DEUP1: variants seen among roughly 807,000 people sequenced by gnomAD.
The protein encoded by DEUP1 is coiled-coil domain containing 67.
DEUP1 carries 82 observed loss-of-function variants against 87.4 expected under a neutral mutation model. The observed-to-expected ratio is 0.94, with a 90% CI of 0.78 to 1.13. The LOEUF is 1.13. Ranked by LOEUF, DEUP1 falls within the 50% of genes most tolerant of loss-of-function variation. The probability of loss-of-function intolerance (pLI) is 0.00; values close to 1 mark genes in which losing one functional copy is unlikely to be tolerated. For missense variants in DEUP1, 663 were observed against 681.5 expected (o/e 0.97, Z 0.30); for synonymous variants, 214 against 222.7 (o/e 0.96, Z 0.35).
At chr11:93,375,880 GT>G (rs1464687531) in intron 7 of DEUP1, among the ~76,000 whole-genome samples, 1 of 152,096 alleles carries the variant, frequency 6.6e-6, no homozygotes, top group Non-Finnish European at 1.5e-5. Context: ...TTCTTTGAAT[GT>G]TTGATAGAAT....
At chr11:93,398,864 G>A (rs1370856536) in intron 11 of DEUP1, among the ~76,000 whole-genome samples, 1 of 151,934 alleles carries the variant, frequency 6.6e-6, no homozygotes, top group East Asian at 1.9e-4. Flanking sequence ...GGGATTACAG[G>A]CACATGCCAC....
At chr11:93,338,869 A>G (rs986857069) in intron 2 of DEUP1, among the ~76,000 whole-genome samples, 1 of 152,214 alleles carries the variant, frequency 6.6e-6, no homozygotes, top group African/African-American at 2.4e-5. Flanking sequence ...GTTGTATAAA[A>G]GCAGGGTGTG....
At chr11:93,378,593 T>G (rs1346842925) in intron 7 of DEUP1, among the ~76,000 whole-genome samples, 1 of 152,178 alleles carries the variant, frequency 6.6e-6, no homozygotes, top group African/African-American at 2.4e-5. Flanking sequence ...GATTTCTCCT[T>G]GTTTTTGATC....
chr11:93,415,185 A>C (rs1220388562), intron 13 of DEUP1, 71 bp downstream of exon 13: 1 of 897,808 alleles, frequency 1.1e-6, no homozygotes, highest in South Asian at 1.5e-5. Context: ...GATGTCAATA[A>C]ACTGACGTAC....
chr11:93,392,911 C>T (rs1341921945), intron 9 of DEUP1, among the ~76,000 whole-genome samples: 1 of 149,422 alleles, frequency 6.7e-6, no homozygotes, highest in Non-Finnish European at 1.5e-5. Context: ...GCCTGGGATC[C>T]CTCCTCCTTC....
chr11:93,389,189 T>TA (rs75547341), intron 9 of DEUP1, 64 bp downstream of exon 9: 197 of 858,286 alleles, frequency 2.3e-4, no homozygotes, highest in African/African-American at 1.4e-3. Flanking sequence ...CAAAGGGAGT[T>TA]AAAAAAAAAT....
intron 2 of DEUP1, among the ~76,000 whole-genome samples, chr11:93,348,266 T>G (rs1237669864): frequency 1.3e-5 from 2 of 152,154 alleles, no homozygotes; most frequent in Non-Finnish European, 2.9e-5. Flanking sequence ...GTTTTTTTAT[T>G]CATTTTTTTC....
chr11:93,339,027 T>C (rs1943919547), intron 2 of DEUP1, among the ~76,000 whole-genome samples: 1 of 152,202 alleles, frequency 6.6e-6, no homozygotes, highest in East Asian at 1.9e-4. Context: ...TCATGGACTC[T>C]CCAAGGGTAA....
At chr11:93,362,855 T>C (rs1306137409) in intron 4 of DEUP1, among the ~76,000 whole-genome samples, 1 of 151,910 alleles carries the variant, frequency 6.6e-6, no homozygotes, top group East Asian at 1.9e-4. Flanking sequence ...CAATGGAATA[T>C]TATTCAGGTG....
chr11:93,417,271 C>T (rs1402965386), intron 13 of DEUP1, among the ~76,000 whole-genome samples: 8 of 150,100 alleles, frequency 5.3e-5, no homozygotes, highest in East Asian at 1.9e-4. Flanking sequence ...GATTGTATAT[C>T]GAGAAAACCC....
rs367639887 is a variant in DEUP1, at chr11:93,437,719, A to C, written c.1815A>C (p.Ter605CysextTer41). The C allele has an allele frequency of 7.7e-6, 12 of 1,564,844 alleles. No individual in the cohort carries two copies. The African/African-American group carries it at 1.5e-4, about 20-fold the overall frequency. The change falls in exon 14 of 14, where the codon TGA (stop) becomes TGC (cysteine). Residue 605 changes from the stop codon to cysteine, a stop_lost. Transcript: ENST00000298050. ...YSKLKQNRHI[*>C] ...AGCTAAAACAAAATAGACACATATG[A>C]GCTTTTAAACTTTTTTATTTGCTTC... is the stretch of plus-strand genomic sequence containing the variant.
In DEUP1 at chr11:93,437,784, T is replaced by A. The variant is rs1948294214; in HGVS notation, c.*65T>A. 1 of 780,544 alleles carries A rather than the reference T, an allele frequency of 1.3e-6. No homozygotes were observed. The highest frequency in any genetic ancestry group is 2.0e-6 in the Non-Finnish European group (1 of 488,238). 48.4% of individuals were successfully genotyped at this position (780,544 alleles called of 1,614,324 possible). A position where few individuals can be genotyped will look rare whatever the true frequency, so the allele number is the denominator to read the frequency against. Reference sequence around the variant, plus strand: ...GCCAAGAAAAAAAGCTCTGGCAAAATATTTACAAAGCTGATTAATGAAACC... The same window carrying A: ...GCCAAGAAAAAAAGCTCTGGCAAAAAATTTACAAAGCTGATTAATGAAACC... On this transcript the variant is annotated 3_prime_UTR_variant, in exon 14 of 14. Coordinates refer to ENST00000298050, the MANE Select transcript of DEUP1 (RefSeq NM_181645.4).
intron 7 of DEUP1, among the ~76,000 whole-genome samples, chr11:93,382,359 T>C (rs1467258375): frequency 6.6e-6 from 1 of 152,238 alleles, no homozygotes; most frequent in Non-Finnish European, 1.5e-5. Flanking sequence ...TAAAATACTT[T>C]GCATATTCAT....
intron 2 of DEUP1, among the ~76,000 whole-genome samples, chr11:93,343,188 G>A (rs984113322): frequency 2.0e-5 from 3 of 150,342 alleles, no homozygotes; most frequent in Admixed American, 6.6e-5. Context: ...TAATTAAAAC[G>A]TTGTCTAGAT....
chr11:93,332,913 G>T (rs1019473937), intron 2 of DEUP1, among the ~76,000 whole-genome samples: 2 of 152,150 alleles, frequency 1.3e-5, no homozygotes, highest in African/African-American at 4.8e-5. Flanking sequence ...ACAGAGTTTG[G>T]GGAATGAAGG....
chr11:93,389,416 C>T (rs972747807), intron 9 of DEUP1, among the ~76,000 whole-genome samples: 1 of 152,212 alleles, frequency 6.6e-6, no homozygotes, highest in African/African-American at 2.4e-5. Flanking sequence ...AGCACAGACT[C>T]TGGTGCTCAA....
intron 11 of DEUP1, among the ~76,000 whole-genome samples, chr11:93,399,680 A>C (rs2134384906): frequency 6.6e-6 from 1 of 151,958 alleles, no homozygotes; most frequent in East Asian, 1.9e-4. Context: ...CTTATTGTTA[A>C]TATAGAAAAA....
At chr11:93,346,552 C>T (rs3019222) in intron 2 of DEUP1, among the ~76,000 whole-genome samples, 125,604 of 152,236 alleles carry the variant, frequency 0.83, 51,936 homozygotes, top group East Asian at 0.89. Context: ...TAAAGAACTT[C>T]TTTCTGTTTT....
chr11:93,437,357 T>G, intron 13 of DEUP1, 186 bp from the exon 14 acceptor site: 1 of 535,628 alleles, frequency 1.9e-6, no homozygotes. Context: ...ATGTCTTACT[T>G]AGTTCCTTGA....
Sources: gnomAD v4.1 joint callset for allele counts (sites outside exome capture counted in the v4.1 genomes callset) on GRCh38, gnomAD v4.1.1 for gene constraint, MANE v1.5 for transcripts, NCBI Gene and HGNC (gene_info 2026-07-23, HGNC 2026-07-21) for gene names.